Variants in SLC22A2 observed in about 807,000 individuals in gnomAD.
SLC22A2 encodes the protein organic cation transporter 2.
A neutral mutation model predicts 60.5 loss-of-function variants in SLC22A2; 46 were observed. The ratio of observed to expected loss-of-function variants is 0.76; its 90% CI spans 0.60 to 0.97. The LOEUF is 0.97. SLC22A2 is among the 50% of genes least tolerant of loss of function. The pLI, the probability that SLC22A2 is intolerant of heterozygous loss-of-function variation, is 0.00. For synonymous variants in SLC22A2, 303 were observed against 267.0 expected (o/e 1.13, Z -1.31); for missense variants, 701 against 706.6 (o/e 0.99, Z 0.09).
At chr6:160,253,524 C>T (rs1783220614) in intron 2 of SLC22A2, among the ~76,000 whole-genome samples, 1 of 152,144 alleles carries the variant, frequency 6.6e-6, no homozygotes, top group African/African-American at 2.4e-5. Flanking sequence ...TGTCCAAGCC[C>T]CGCCTCCAGA....
intron 10 of SLC22A2, among the ~76,000 whole-genome samples, chr6:160,219,274 AAT>A (rs1408485146): frequency 7.9e-5 from 12 of 152,142 alleles, no homozygotes; most frequent in Non-Finnish European, 1.6e-4. Flanking sequence ...GTACAATAGC[AAT>A]AACAACAGTA....
rs773374729 is a variant in SLC22A2, at chr6:160,258,609, C to T, written c.149G>A (p.Arg50His). ...IVFLGFTPDH[R>H]CRSPGVAELS... ...CTCGGCCACTCCGGGGCTCCGGCAGCGGTGGTCAGGGGTGAAGCCCAGGAA... is the reference window on the plus strand; with the variant it reads ...CTCGGCCACTCCGGGGCTCCGGCAGTGGTGGTCAGGGGTGAAGCCCAGGAA... Residue 50 changes from arginine to histidine, a missense_variant, in exon 1 of 11, where the codon CGC becomes CAC. Physicochemically the swap from Arg to His is conservative, Grantham distance 29. Coordinates refer to ENST00000366953, the MANE Select transcript of SLC22A2 (RefSeq NM_003058.4). 6.8e-6 allele frequency: 11 copies of T among 1,613,764 alleles called. No homozygotes were observed. Among genetic ancestry groups the T allele is most frequent in the South Asian group, 4.4e-5 (4 of 91,060 alleles).
In SLC22A2 at chr6:160,232,354, C is replaced by A. The variant is rs1035547956; in HGVS notation, c.1502-7550G>T. On this transcript the variant is annotated intron_variant, in intron 9 of 10. Coordinates refer to ENST00000366953, the MANE Select transcript of SLC22A2 (RefSeq NM_003058.4). ...CACACACCAGCAAAGGCAGGCTATG[C>A]TATAGTATCTTCCACATCTATCATT... Among the ~76,000 whole-genome samples the A allele has an allele frequency of 7.2e-5, 11 of 151,934 alleles. 1 individual carries two copies. The highest frequency in any genetic ancestry group is 2.4e-4 in the African/African-American group (10 of 41,202).
intron 10 of SLC22A2, among the ~76,000 whole-genome samples, chr6:160,223,520 C>T (rs494554): frequency 6.6e-6 from 1 of 152,088 alleles, no homozygotes. Context: ...TGGCCTCATT[C>T]TTTTTAATGG....
rs200160727 is a variant in SLC22A2 at position 160,243,652 on chromosome 6, C to T, written c.1199G>A (p.Arg400His). ...AAFMIILTID[R>H]IGRRYPWAAS... ...AGCCCAAGGGTAACGGCGTCCGATG[C>T]GGTCGATGGTGAGGATGATCATGAA... The change falls in exon 7 of 11, where the codon CGC (arginine) becomes CAC (histidine). Residue 400 changes from arginine to histidine, a missense_variant. Arg to His is a conservative substitution (Grantham distance 29). Transcript: ENST00000366953. The T allele has an allele frequency of 4.5e-5, 73 of 1,613,980 alleles. No individual in the cohort carries two copies. The highest frequency in any genetic ancestry group is 3.2e-4 in the South Asian group (29 of 91,082).
chr6:160,238,360 G>T (rs1212846125), intron 9 of SLC22A2, among the ~76,000 whole-genome samples: 3 of 152,170 alleles, frequency 2.0e-5, no homozygotes, highest in African/African-American at 7.2e-5. Flanking sequence ...GATTCACTTG[G>T]TTATTGTATT....
chr6:160,229,511 G>A lies in SLC22A2; in HGVS notation c.1502-4707C>T, dbSNP rs536540057. On this transcript the variant is annotated intron_variant, in intron 9 of 10. Transcript: ENST00000366953. ...TTGGTGGCAAGTGAATTGCGGGGGCGCCTGCTTTGGCTGCTCACCCACATT... is the reference window on the plus strand; with the variant it reads ...TTGGTGGCAAGTGAATTGCGGGGGCACCTGCTTTGGCTGCTCACCCACATT... Among the ~76,000 whole-genome samples, 5 of 151,896 alleles carry A rather than the reference G, an allele frequency of 3.3e-5. No homozygotes were observed. In the South Asian group the frequency reaches 6.2e-4, roughly 19 times the overall value.
At chr6:160,241,704 C>T (rs1783005979) in intron 8 of SLC22A2, 118 bp from the exon 9 acceptor site, 11 of 651,984 alleles carry the variant, frequency 1.7e-5, no homozygotes, top group African/African-American at 5.4e-5. Flanking sequence ...CTATAGTGTA[C>T]ACTGCTCAGG....
At chr6:160,223,206 T>C (rs1321496673) in intron 10 of SLC22A2, among the ~76,000 whole-genome samples, 2 of 152,202 alleles carry the variant, frequency 1.3e-5, no homozygotes, top group Non-Finnish European at 2.9e-5. Flanking sequence ...GGGGAGAGTG[T>C]CAGATAGGTT....
intron 10 of SLC22A2, among the ~76,000 whole-genome samples, chr6:160,224,130 A>G (rs1323233197): frequency 6.6e-6 from 1 of 152,154 alleles, no homozygotes; most frequent in African/African-American, 2.4e-5. Context: ...TTCTTCCCCA[A>G]CATAGTGTGT....
chr6:160,231,992 G>A (rs1255366723), intron 9 of SLC22A2, among the ~76,000 whole-genome samples: 3 of 151,924 alleles, frequency 2.0e-5, no homozygotes, highest in Non-Finnish European at 4.4e-5. Context: ...GTGTGTGGTG[G>A]CTACCACTGT....
At chr6:160,231,717 C>T (rs1055515435) in intron 9 of SLC22A2, among the ~76,000 whole-genome samples, 1 of 151,844 alleles carries the variant, frequency 6.6e-6, no homozygotes, top group African/African-American at 2.4e-5. Context: ...TACCTCCCTC[C>T]ACAACCCATT....
chr6:160,252,460 C>T (rs1450733971), intron 2 of SLC22A2, among the ~76,000 whole-genome samples: 1 of 152,200 alleles, frequency 6.6e-6, no homozygotes, highest in Non-Finnish European at 1.5e-5. Context: ...AGCAATGCTA[C>T]TTAAAAGAAT....
chr6:160,232,676 G>A (rs1260567698), intron 9 of SLC22A2, among the ~76,000 whole-genome samples: 2 of 151,818 alleles, frequency 1.3e-5, no homozygotes, highest in African/African-American at 4.9e-5. Flanking sequence ...TCAGGACAAT[G>A]CTTATGCTCA....
At chr6:160,237,811 A>C (rs534293823) in intron 9 of SLC22A2, among the ~76,000 whole-genome samples, 1 of 152,326 alleles carries the variant, frequency 6.6e-6, no homozygotes, top group East Asian at 1.9e-4. Flanking sequence ...ACAGGTCATA[A>C]AGACCTTGCT....
chr6:160,256,066 T>C (rs974191030), intron 2 of SLC22A2, among the ~76,000 whole-genome samples: 98 of 152,256 alleles, frequency 6.4e-4, no homozygotes, highest in African/African-American at 2.3e-3. Flanking sequence ...CCTCGTGTTG[T>C]AGGCAGACCC....
chr6:160,241,328 G>A (rs958248121), intron 9 of SLC22A2, 146 bp downstream of exon 9: 8 of 575,556 alleles, frequency 1.4e-5, no homozygotes, highest in East Asian at 2.8e-5. Flanking sequence ...CAGGAAGAAC[G>A]CAAGCCACAG....
At chr6:160,244,419 G>A (rs2114865088) in intron 6 of SLC22A2, 1 of 152,394 alleles carries the variant, frequency 6.6e-6, no homozygotes. Flanking sequence ...CAAGTTATTA[G>A]TGGTTGTGAG....
Position 160,224,807 on chromosome 6 carries a change from G to A in SLC22A2, c.1502-3C>T. 6.5e-7 allele frequency: 1 copy of A among 1,549,918 alleles called. No homozygotes were observed. Among genetic ancestry groups the A allele is most frequent in the Non-Finnish European group, 8.8e-7 (1 of 1,135,842 alleles). ...TCCAGCAACCAAGCCAAGCACGCCT[G>A]AAAGCCAAACAGATGAATATCACAT... is the stretch of plus-strand genomic sequence containing the variant. On this transcript the variant is annotated splice_polypyrimidine_tract_variant and splice_region_variant and intron_variant, in intron 9 of 10. Coordinates refer to ENST00000366953, the MANE Select transcript of SLC22A2 (RefSeq NM_003058.4).
Sources: allele counts gnomAD v4.1 joint callset (sites outside exome capture counted in the v4.1 genomes callset), GRCh38; gene constraint gnomAD v4.1.1; transcripts MANE v1.5; gene names NCBI Gene and HGNC (gene_info 2026-07-23, HGNC 2026-07-21).